The following DUSP15 variants were observed in gnomAD, a reference collection of about 807,000 sequenced individuals.
The protein encoded by DUSP15 is dual specificity phosphatase 15, also known as dual specificity protein phosphatase 15.
Under a neutral mutation model 26.3 loss-of-function variants are expected in DUSP15, and 23 were observed. The ratio of observed to expected loss-of-function variants is 0.87; its 90% CI spans 0.63 to 1.24. The LOEUF is 1.24. DUSP15 is among the 50% of genes most tolerant of loss of function. DUSP15 has a pLI of 0.00. For missense variants in DUSP15, 364 were observed against 320.6 expected (o/e 1.14, Z -1.03); for synonymous variants, 143 against 135.5 (o/e 1.06, Z -0.39).
downstream of DUSP15, chr20:31,845,762 A>C (rs1600421587): frequency 1.6e-6 from 1 of 610,634 alleles, no homozygotes; most frequent in Non-Finnish European, 2.9e-6. Context: ...CAGTAGTGGG[A>C]AGCCGAGCAG....
At chr20:31,848,536 C>T (rs1233625627) in exon 10 of DUSP15, 22 of 1,590,054 alleles carry the variant, frequency 1.4e-5, no homozygotes, top group Non-Finnish European at 1.9e-5. Flanking sequence ...GAGTGCAGGA[C>T]GAGCTCCCAG....
intron 3 of DUSP15, among the ~76,000 whole-genome samples, chr20:31,866,810 T>A (rs1473852369): frequency 6.6e-6 from 1 of 152,182 alleles, no homozygotes; most frequent in Non-Finnish European, 1.5e-5. Context: ...AGGTTCAGTG[T>A]GAGACTTCTG....
downstream of DUSP15, among the ~76,000 whole-genome samples, chr20:31,860,354 C>G (rs527789044): frequency 6.6e-6 from 1 of 152,346 alleles, no homozygotes; most frequent in African/African-American, 2.4e-5. Context: ...TTCGATCCCT[C>G]TCAACTTTGG....
At chr20:31,848,730 G>C (rs1363008312) in intron 9 of DUSP15, 1 of 1,512,854 alleles carries the variant, frequency 6.6e-7, no homozygotes, top group African/African-American at 1.4e-5. Context: ...AGCTGGGACT[G>C]GAGGGAGTGT....
downstream of DUSP15, among the ~76,000 whole-genome samples, chr20:31,846,087 GAC>G (rs1422521283): frequency 1.3e-5 from 2 of 149,900 alleles, no homozygotes; most frequent in Non-Finnish European, 3.0e-5. Flanking sequence ...GACACACAGA[GAC>G]ACACAGACAT....
Position 31,862,673 on chromosome 20 carries a change from C to G in DUSP15, c.333G>C (p.Trp111Cys). 1 of 1,614,154 alleles carries G rather than the reference C, an allele frequency of 6.2e-7. No homozygotes were observed. The highest frequency in any genetic ancestry group is 8.5e-7 in the Non-Finnish European group (1 of 1,180,022). ...AYVMTVTGLG[W>C]RDVLEAIKAT... ...CCTTGATGGCTTCAAGCACGTCCCG[C>G]CAGCCTAGCCCCGTCACAGTCATCA... The change falls in exon 6 of 7, where the codon TGG (tryptophan) becomes TGC (cysteine). Residue 111 changes from tryptophan (W) to cysteine (C), a missense_variant. By Grantham distance (215) the Trp-to-Cys change is radical. Coordinates refer to ENST00000339738, the MANE Select transcript of DUSP15 (RefSeq NM_080611.5).
intron 5 of DUSP15, 38 bp downstream of exon 5, chr20:31,863,869 C>G (rs574719770): frequency 6.3e-7 from 1 of 1,597,252 alleles, no homozygotes; most frequent in East Asian, 2.2e-5. Context: ...ACAGCCACTT[C>G]CTTCCTCCCC....
Position 31,861,490 on chromosome 20 carries a change from TTCCCGG to T in DUSP15, c.615_620del (p.Arg206_Glu207del), listed in dbSNP as rs780559881. 1 of 1,536,196 alleles carries T rather than the reference TTCCCGG, an allele frequency of 6.5e-7. No homozygotes were observed. The highest frequency in any genetic ancestry group is 2.0e-5 in the Admixed American group (1 of 50,784). On this transcript the variant is annotated inframe_deletion, in exon 7 of 7. Transcript: ENST00000339738. ...CCAGCAGCGGCAGCGGCCGGTGGGC[TTCCCGG>T]GGCGTGCGCGGCACCAGGCGCTGCA... is the stretch of plus-strand genomic sequence containing the variant.
exon 10 of DUSP15, chr20:31,848,287 G>A (rs2062400025): frequency 3.3e-6 from 4 of 1,225,562 alleles, no homozygotes; most frequent in East Asian, 5.6e-5. Context: ...GGAAGGCCGC[G>A]ATCCACCTCT....
At chr20:31,865,147 G>A in intron 3 of DUSP15, 145 bp from the exon 4 acceptor site, 1 of 860,012 alleles carries the variant, frequency 1.2e-6, no homozygotes, top group Non-Finnish European at 1.9e-6. Context: ...AAAGAAAGTA[G>A]TTGTCATCTC....
chr20:31,860,563 G>A (rs192721968), downstream of DUSP15, among the ~76,000 whole-genome samples: 1 of 152,370 alleles, frequency 6.6e-6, no homozygotes, highest in East Asian at 1.9e-4. Flanking sequence ...ATGGGACTCA[G>A]ACTGACTAAG....
At chr20:31,869,830 A>C in intron 1 of DUSP15, 1 of 1,425,960 alleles carries the variant, frequency 7.0e-7, no homozygotes, top group Non-Finnish European at 9.2e-7. Context: ...AAGGGAGGCC[A>C]GCTTGGGTAT....
rs1555795813 is a variant in DUSP15 at position 31,867,640 on chromosome 20, T to TTG, written c.56-488_56-487insCA. Among the ~76,000 whole-genome samples, 173 of 42,550 alleles carry TTG rather than the reference T, an allele frequency of 4.1e-3. 1 individual carries two copies. Among genetic ancestry groups the TTG allele is most frequent in the African/African-American group, 0.016 (167 of 10,446 alleles). The allele number at this position is 42,550 out of a possible 152,430, so 27.9% of individuals were successfully genotyped here. A position where few individuals can be genotyped will look rare whatever the true frequency, so the allele number is the denominator to read the frequency against. ...CAATGATGCCCACAATGTTTTTTTT[T>TTG]TTTTTTTTTTTTTTTTTTTTTTGAG... On this transcript the variant is annotated intron_variant, in intron 2 of 6. Transcript: ENST00000339738.
exon 8 of DUSP15, chr20:31,849,770 C>G (rs772990841): frequency 1.3e-6 from 2 of 1,539,756 alleles, no homozygotes; most frequent in Non-Finnish European, 1.7e-6. Context: ...CCCCAGCAGG[C>G]GCTCGGCGGC....
At position 31,861,593 on chromosome 20, in the gene DUSP15, T is replaced by C. The variant is rs939997256; in HGVS notation, c.518A>G (p.Lys173Arg). 1.1e-5 allele frequency: 17 copies of C among 1,495,398 alleles called. No individual in the cohort carries two copies. In the African/African-American group the frequency reaches 2.3e-4, roughly 20 times the overall value. The allele number at this position is 1,495,398 out of a possible 1,614,324, so 92.6% of individuals were successfully genotyped here. The change falls in exon 7 of 7, where the codon AAG becomes AGG. Residue 173 changes from lysine (K) to arginine (R), a missense_variant. Lys to Arg is a conservative substitution (Grantham distance 26). Transcript: ENST00000339738. ...EELRALLPLC[K>R]RCRQGSATSA... ...GGTCGCGGAGCCCTGCCGGCAGCGC[T>C]TGCACAGCGGCAGCAGCGCGCGCAA...
chr20:31,863,687 G>T (rs139444897), intron 5 of DUSP15: 1 of 548,722 alleles, frequency 1.8e-6, no homozygotes, highest in Non-Finnish European at 3.3e-6. Context: ...TGAGGACATT[G>T]AGTCTCAGAG....
At chr20:31,869,696 G>A (rs1243978754) in intron 1 of DUSP15, 99 bp from the exon 2 acceptor site, 4 of 1,552,806 alleles carry the variant, frequency 2.6e-6, no homozygotes, top group Non-Finnish European at 3.5e-6. Flanking sequence ...GTCCCATGAA[G>A]GGTATGGACC....
downstream of DUSP15, among the ~76,000 whole-genome samples, chr20:31,859,655 CTTTT>C (rs1568674333): frequency 1.3e-5 from 2 of 152,130 alleles, no homozygotes; most frequent in East Asian, 1.9e-4. Flanking sequence ...GCCATGGAGG[CTTTT>C]TTTATTTTTC....
chr20:31,848,470 G>A (rs369773339), exon 10 of DUSP15: 257 of 1,612,058 alleles, frequency 1.6e-4, no homozygotes, highest in Non-Finnish European at 2.0e-4. Flanking sequence ...GGTGAGTGAT[G>A]CCATCGGGGT....
Sources: allele counts gnomAD v4.1 joint callset (sites outside exome capture counted in the v4.1 genomes callset), GRCh38; gene constraint gnomAD v4.1.1; transcripts MANE v1.5; gene names NCBI Gene and HGNC (gene_info 2026-07-23, HGNC 2026-07-21).